KNG1: variants seen among roughly 807,000 people sequenced by gnomAD.
KNG1 encodes the protein kininogen 1.
A neutral mutation model predicts 47.8 loss-of-function variants in KNG1; 23 were observed. The observed-to-expected ratio is 0.48, with a 90% CI of 0.35 to 0.68. The LOEUF is 0.68. Among genes scored for constraint, KNG1 ranks in the 30% least tolerant of loss-of-function variants. The pLI, the probability that KNG1 is intolerant of heterozygous loss-of-function variation, is 0.01. For synonymous variants in KNG1, 277 were observed against 277.0 expected (o/e 1.00, Z 0.00); for missense variants, 762 against 790.2 (o/e 0.96, Z 0.43).
At chr3:186,739,944 G>A (rs1422022438) in intron 9 of KNG1, among the ~76,000 whole-genome samples, 1 of 151,758 alleles carries the variant, frequency 6.6e-6, no homozygotes, top group Non-Finnish European at 1.5e-5. Flanking sequence ...GCTACTCAGG[G>A]GGCTGAGGCA....
At position 186,720,132 on chromosome 3, in the gene KNG1, A is replaced by G. The variant is rs1226921041; in HGVS notation, c.223A>G (p.Lys75Glu). The change falls in exon 2 of 10, where the codon AAG becomes GAG. Residue 75 changes from lysine to glutamate, a missense_variant. Lys to Glu is a moderately conservative substitution (Grantham distance 56, BLOSUM62 1). Transcript: ENST00000644859. ...TVGSDTFYSF[K>E]YEIKEGDCPV... The stretch of plus-strand genomic sequence containing the variant: ...TGGCTCTGACACGTTTTATTCCTTC[A>G]AGTACGAAATCAAGGAGGGGGATTG... The G allele has an allele frequency of 6.2e-7, 1 of 1,613,884 alleles. No individual in the cohort carries two copies. Among genetic ancestry groups the G allele is most frequent in the Admixed American group, 1.7e-5 (1 of 60,006 alleles).
At chr3:186,737,874 C>A (rs1471701092) in intron 7 of KNG1, among the ~76,000 whole-genome samples, 1 of 151,562 alleles carries the variant, frequency 6.6e-6, no homozygotes, top group East Asian at 2.0e-4. Flanking sequence ...CATTTAAATA[C>A]TATGATTTAA....
chr3:186,723,802 C>T (rs149352814), intron 3 of KNG1, among the ~76,000 whole-genome samples: 3 of 152,140 alleles, frequency 2.0e-5, no homozygotes, highest in East Asian at 1.9e-4. Context: ...TTATGGGCAT[C>T]GCCACCACGC....
intron 1 of KNG1, 69 bp downstream of exon 1, chr3:186,717,806 A>G (rs1234839445): frequency 1.9e-6 from 2 of 1,027,872 alleles, no homozygotes; most frequent in Non-Finnish European, 3.0e-6. Context: ...CAGGCCTCAC[A>G]CACACACACA....
In KNG1 at chr3:186,717,429, CAG is replaced by C. The variant is rs1381518147; in HGVS notation, c.-109_-108del. On this transcript the variant is annotated 5_prime_UTR_variant, in exon 1 of 10. Coordinates refer to ENST00000644859, the MANE Select transcript of KNG1 (RefSeq NM_001102416.3). The stretch of plus-strand genomic sequence containing the variant: ...CCAACCAGTGCCCTGAGTTCTGAGG[CAG>C]AGAGGAGGACAGAAGAAACAAGAGG... 2.4e-6 allele frequency: 2 copies of C among 829,098 alleles called. No homozygotes were observed. Among genetic ancestry groups the C allele is most frequent in the Admixed American group, 3.7e-5 (2 of 54,670 alleles). The allele number at this position is 829,098 out of a possible 1,614,324, so 51.4% of individuals were successfully genotyped here.
In KNG1 at chr3:186,742,169, C is replaced by G. The variant is rs1720833162; in HGVS notation, c.1773C>G (p.Ile591Met). Reference sequence around the variant, plus strand: ...GTGATGACGATTGGATCCCTGATATCCAGATAGACCCAAATGGCCTTTCAT... The same window carrying G: ...GTGATGACGATTGGATCCCTGATATGCAGATAGACCCAAATGGCCTTTCAT... ...IQSDDDWIPD[I>M]QIDPNGLSFN... Residue 591 changes from isoleucine to methionine, a missense_variant, in exon 10 of 10, where the codon ATC (isoleucine) becomes ATG (methionine). By Grantham distance (10) the Ile-to-Met change is conservative. Coordinates refer to ENST00000644859, the MANE Select transcript of KNG1 (RefSeq NM_001102416.3). The G allele has an allele frequency of 6.2e-7, 1 of 1,614,026 alleles. No homozygotes were observed. Among genetic ancestry groups the G allele is most frequent in the Non-Finnish European group, 8.5e-7 (1 of 1,180,010 alleles).
chr3:186,729,708 T>A (rs1315464651), intron 5 of KNG1, among the ~76,000 whole-genome samples: 4 of 152,008 alleles, frequency 2.6e-5, no homozygotes, highest in Non-Finnish European at 4.4e-5. Flanking sequence ...GTTTTGGTCT[T>A]GTTGCCCAGG....
At position 186,727,230 on chromosome 3, in the gene KNG1, G is replaced by A; in HGVS notation, c.565-7G>A. Reference sequence around the variant, plus strand: ...CCCTTTAAATATTCAATCTGAAATTGTTTCAGGTGGTGGCTGGATTGAACT... The same window carrying A: ...CCCTTTAAATATTCAATCTGAAATTATTTCAGGTGGTGGCTGGATTGAACT... On this transcript the variant is annotated splice_polypyrimidine_tract_variant and splice_region_variant and intron_variant, in intron 4 of 9. Transcript: ENST00000644859. 1 of 1,577,480 alleles carries A rather than the reference G, an allele frequency of 6.3e-7. No individual in the cohort carries two copies.
chr3:186,725,580 T>A (rs1328830266), intron 4 of KNG1, among the ~76,000 whole-genome samples: 3 of 113,170 alleles, frequency 2.7e-5, no homozygotes, highest in African/African-American at 9.7e-5. Context: ...AGTCTCTCTC[T>A]GTCGCCCAGG....
intron 3 of KNG1, among the ~76,000 whole-genome samples, chr3:186,723,542 T>C (rs1246878788): frequency 6.6e-6 from 1 of 152,232 alleles, no homozygotes; most frequent in African/African-American, 2.4e-5. Context: ...TGTGCTTGAG[T>C]TGTTTCACTT....
Position 186,742,322 on chromosome 3 carries a change from C to A in KNG1, c.1926C>A (p.Gly642=). Residue 642 remains glycine, a synonymous_variant, in exon 10 of 10, where the codon GGC becomes GGA. Coordinates refer to ENST00000644859, the MANE Select transcript of KNG1 (RefSeq NM_001102416.3). ...CTTATTATTTCGATCTCACTGATGG[C>A]CTTTCTTAATTTAAGTGGCTATGGG... ...KESYYFDLTD[G]LS is the part of the protein sequence containing the mutation. 2.5e-6 allele frequency: 4 copies of A among 1,613,802 alleles called. No homozygotes were observed. Among genetic ancestry groups the A allele is most frequent in the Non-Finnish European group, 3.4e-6 (4 of 1,179,822 alleles).
At chr3:186,724,065 T>C (rs1305420211) in intron 3 of KNG1, among the ~76,000 whole-genome samples, 3 of 152,226 alleles carry the variant, frequency 2.0e-5, no homozygotes, top group African/African-American at 7.2e-5. Flanking sequence ...ACCCCTTTGA[T>C]AGGCTGATTT....
At chr3:186,740,273 A>C (rs138728850) in intron 9 of KNG1, among the ~76,000 whole-genome samples, 2 of 152,336 alleles carry the variant, frequency 1.3e-5, no homozygotes, top group Non-Finnish European at 2.9e-5. Context: ...TGAGGTCCTG[A>C]GTGAATAATG....
At chr3:186,732,863 T>C (rs1315605275) in intron 7 of KNG1, among the ~76,000 whole-genome samples, 189 bp downstream of exon 7, 1 of 152,192 alleles carries the variant, frequency 6.6e-6, no homozygotes, top group Non-Finnish European at 1.5e-5. Flanking sequence ...TTTACAACAT[T>C]CTCTCTGTTT....
rs1447765699 is a variant in KNG1, at chr3:186,739,160, A to G, written c.992A>G (p.Glu331Gly). 6.2e-7 allele frequency: 1 copy of G among 1,614,230 alleles called. No individual in the cohort carries two copies. The highest frequency in any genetic ancestry group is 2.2e-5 in the East Asian group (1 of 44,890). The change falls in exon 8 of 10, where the codon GAA becomes GGA. Residue 331 changes from glutamate to glycine, a missense_variant. Transcript: ENST00000644859. Reference sequence around the variant, plus strand: ...GCCAGGGAAACCACATGTTCCAAGGAAAGTAATGAAGAGTTGACCGAAAGC... The same window carrying G: ...GCCAGGGAAACCACATGTTCCAAGGGAAGTAATGAAGAGTTGACCGAAAGC... ...FVARETTCSK[E>G]SNEELTESCE...
Position 186,742,451 on chromosome 3 carries a change from C to G in KNG1, c.*120C>G. 6.6e-7 allele frequency: 1 copy of G among 1,523,704 alleles called. No homozygotes were observed. The highest frequency in any genetic ancestry group is 1.2e-5 in the South Asian group (1 of 80,922). The allele number at this position is 1,523,704 out of a possible 1,614,324, so 94.4% of individuals were successfully genotyped here. ...AAAAACCATGCAGCTTCGGAACAGT[C>G]TAAAGAGAAGTGGTGAGACTCCCAG... On this transcript the variant is annotated 3_prime_UTR_variant, in exon 10 of 10. Transcript: ENST00000644859.
chr3:186,727,171 C>A, intron 4 of KNG1, 66 bp from the exon 5 acceptor site: 1 of 1,086,286 alleles, frequency 9.2e-7, no homozygotes, highest in Admixed American at 1.7e-5. Flanking sequence ...CTCCTCATAA[C>A]ATTCATATCC....
chr3:186,725,511 C>G (rs903380805), intron 4 of KNG1, among the ~76,000 whole-genome samples: 12 of 140,710 alleles, frequency 8.5e-5, no homozygotes, highest in South Asian at 2.2e-4. Context: ...TTCCTAGAGA[C>G]AGTGAAAAGG....
intron 5 of KNG1, among the ~76,000 whole-genome samples, chr3:186,730,954 A>G (rs936783386): frequency 3.3e-4 from 50 of 150,932 alleles, no homozygotes; most frequent in African/African-American, 1.1e-3. Context: ...TTTTCCCACC[A>G]TATTATTTCT....
Sources: allele counts gnomAD v4.1 joint callset (sites outside exome capture counted in the v4.1 genomes callset), GRCh38; gene constraint gnomAD v4.1.1; transcripts MANE v1.5; gene names NCBI Gene and HGNC (gene_info 2026-07-23, HGNC 2026-07-21).